The following NAV3 variants were observed in gnomAD, a reference collection of about 807,000 sequenced individuals.
NAV3 encodes pore membrane and/or filament interacting like protein 1.
In NAV3, 87 loss-of-function variants were observed where a neutral mutation model predicts 244.7. That is an observed-to-expected ratio of 0.36 (90% confidence interval 0.30 to 0.42). The LOEUF (loss-of-function observed/expected upper bound fraction) is 0.42. Among genes scored for constraint, NAV3 ranks in the 20% least tolerant of loss-of-function variants. The pLI is 1.00. For synonymous variants in NAV3, 1,126 were observed against 1,042.2 expected (o/e 1.08, Z -1.55); for missense variants, 2,663 against 2,893.3 (o/e 0.92, Z 1.83).
At chr12:77,735,273 G>A (rs74817101) in intron 2 of NAV3, among the ~76,000 whole-genome samples, 2,687 of 152,170 alleles carry the variant, frequency 0.018, 91 homozygotes, top group African/African-American at 0.062. Context: ...TTTCAGTAAT[G>A]AGAGTACTAG....
At chr12:78,111,374 A>C (rs1251407555) in intron 12 of NAV3, among the ~76,000 whole-genome samples, 3 of 152,184 alleles carry the variant, frequency 2.0e-5, no homozygotes, top group African/African-American at 7.2e-5. Flanking sequence ...ATGAAATAAA[A>C]TTCACTAAAA....
chr12:78,052,541 G>T (rs11108030), intron 11 of NAV3, among the ~76,000 whole-genome samples: 2 of 152,010 alleles, frequency 1.3e-5, no homozygotes, highest in African/African-American at 2.4e-5. Context: ...TTTAGTTTGC[G>T]CAATGCTTGG....
intron 2 of NAV3, among the ~76,000 whole-genome samples, chr12:77,581,059 G>C (rs1869339781): frequency 6.6e-6 from 1 of 152,122 alleles, no homozygotes. Flanking sequence ...GAAGTTAAGG[G>C]AGGCTGGCCC....
intron 34 of NAV3, among the ~76,000 whole-genome samples, chr12:78,190,779 C>T (rs190563985): frequency 1.2e-4 from 18 of 152,152 alleles, no homozygotes; most frequent in African/African-American, 1.7e-4. Flanking sequence ...CCACCATCTA[C>T]GGTCTAATGT....
intron 35 of NAV3, 43 bp downstream of exon 35, chr12:78,197,444 TATC>T (rs771316212): frequency 5.8e-5 from 85 of 1,462,662 alleles, no homozygotes; most frequent in Middle Eastern, 1.8e-4. Context: ...ATGAAATAAT[TATC>T]ATCAAATTTG....
At chr12:78,074,307 A>G (rs2137691037) in intron 12 of NAV3, among the ~76,000 whole-genome samples, 1 of 152,356 alleles carries the variant, frequency 6.6e-6, no homozygotes, top group South Asian at 2.1e-4. Context: ...TATAAGATTG[A>G]CATACAACTA....
chr12:77,971,831 C>A (rs1336004445), intron 5 of NAV3, among the ~76,000 whole-genome samples: 1 of 152,006 alleles, frequency 6.6e-6, no homozygotes, highest in African/African-American at 2.4e-5. Flanking sequence ...TTTCTTAGGG[C>A]ACATTGTTTC....
At chr12:77,671,198 C>CAAACAAAAAACAAG (rs1873955491) in intron 2 of NAV3, among the ~76,000 whole-genome samples, 1 of 150,882 alleles carries the variant, frequency 6.6e-6, no homozygotes, top group African/African-American at 2.5e-5. Context: ...GGGCTGCAAA[C>CAAACAAAAAACAAG]AAACAAAAAA....
At position 77,968,702 on chromosome 12, in the gene NAV3, G is replaced by A. The variant is rs1265124241; in HGVS notation, c.671G>A (p.Ser224Asn). Residue 224 changes from serine to asparagine, a missense_variant and splice_region_variant, in exon 5 of 40, where the codon AGT becomes AAT. Coordinates refer to ENST00000397909, the MANE Select transcript of NAV3 (RefSeq NM_001024383.2). Reference sequence around the variant, plus strand: ...AAAACCCAGCAAGATATGCAGTCCAGGTAAGGAAAGGAAGTAGGGAATGTG... The same window carrying A: ...AAAACCCAGCAAGATATGCAGTCCAAGTAAGGAAAGGAAGTAGGGAATGTG... Reference protein sequence around the residue: ...QAKTQQDMQSSLAARYATQSN... With the variant: ...QAKTQQDMQSNLAARYATQSN... 2 of 1,610,770 alleles carry A rather than the reference G, an allele frequency of 1.2e-6. No homozygotes were observed. Among genetic ancestry groups the A allele is most frequent in the East Asian group, 2.2e-5 (1 of 44,768 alleles).
chr12:77,849,232 T>C (rs1299133473), intron 1 of NAV3, among the ~76,000 whole-genome samples: 3 of 141,980 alleles, frequency 2.1e-5, no homozygotes, highest in African/African-American at 7.3e-5. Context: ...GTGTTGTATG[T>C]AATAGTGATT....
intron 2 of NAV3, among the ~76,000 whole-genome samples, chr12:77,796,103 A>G (rs1871396262): frequency 6.6e-6 from 1 of 152,180 alleles, no homozygotes; most frequent in Non-Finnish European, 1.5e-5. Context: ...TATAGCTGCT[A>G]TGGATAGAGA....
intron 12 of NAV3, among the ~76,000 whole-genome samples, chr12:78,064,098 C>T (rs1401892053): frequency 1.3e-5 from 2 of 152,020 alleles, no homozygotes; most frequent in Admixed American, 1.3e-4. Flanking sequence ...ATTAGATGAG[C>T]ACCTAACTAA....
At chr12:77,695,160 G>T (rs1049718271) in intron 2 of NAV3, among the ~76,000 whole-genome samples, 1 of 152,066 alleles carries the variant, frequency 6.6e-6, no homozygotes, top group African/African-American at 2.4e-5. Flanking sequence ...TAACTAATAT[G>T]ATCCCATTTG....
chr12:77,938,030 G>A (rs1048107911), intron 1 of NAV3, among the ~76,000 whole-genome samples: 4 of 152,130 alleles, frequency 2.6e-5, no homozygotes, highest in Admixed American at 1.3e-4. Flanking sequence ...TCCACTGGTA[G>A]TAAGTGGTCT....
intron 1 of NAV3, among the ~76,000 whole-genome samples, chr12:77,838,617 A>G (rs1479921656): frequency 1.3e-5 from 2 of 152,186 alleles, no homozygotes; most frequent in Non-Finnish European, 2.9e-5. Context: ...CTAAGACTCT[A>G]AATATATTGT....
chr12:77,654,774 T>A (rs1388098502), intron 2 of NAV3, among the ~76,000 whole-genome samples: 1 of 145,980 alleles, frequency 6.9e-6, no homozygotes, highest in Non-Finnish European at 1.5e-5. Context: ...AGAGGAACGA[T>A]CAGACAGCAG....
intron 8 of NAV3, among the ~76,000 whole-genome samples, chr12:78,012,586 C>A (rs1433255206): frequency 1.3e-5 from 2 of 151,992 alleles, no homozygotes; most frequent in Non-Finnish European, 2.9e-5. Flanking sequence ...AACAAACCAA[C>A]CTATATTGCT....
At chr12:77,923,152 AT>A (rs1230636511) in intron 1 of NAV3, among the ~76,000 whole-genome samples, 5 of 151,974 alleles carry the variant, frequency 3.3e-5, no homozygotes, top group African/African-American at 1.2e-4. Context: ...TATAAACTAC[AT>A]TTTTGGAATA....
chr12:78,025,595 C>CAAAAAAAAA (rs1186694789), intron 9 of NAV3, among the ~76,000 whole-genome samples: 5 of 55,574 alleles, frequency 9.0e-5, no homozygotes, highest in Non-Finnish European at 1.3e-4. Flanking sequence ...GACTCCATCT[C>CAAAAAAAAA]AAAAAAAAAA....
Sources: allele counts gnomAD v4.1 joint callset (sites outside exome capture counted in the v4.1 genomes callset), GRCh38; gene constraint gnomAD v4.1.1; transcripts MANE v1.5; gene names NCBI Gene and HGNC (gene_info 2026-07-23, HGNC 2026-07-21).